The following CALCOCO2 variants were observed in gnomAD, a reference collection of about 807,000 sequenced individuals.
CALCOCO2 encodes the protein calcium binding and coiled-coil domain 2.
A neutral mutation model predicts 62.5 loss-of-function variants in CALCOCO2; 42 were observed. The ratio of observed to expected loss-of-function variants is 0.67; its 90% CI spans 0.53 to 0.87. The LOEUF is 0.87. Among genes scored for constraint, CALCOCO2 ranks in the 40% least tolerant of loss-of-function variants. The pLI is 0.00. For missense variants in CALCOCO2, 456 were observed against 515.0 expected, an observed-to-expected ratio of 0.89 and a Z score of 1.11; for synonymous variants, 167 against 173.0, an observed-to-expected ratio of 0.97 and a Z score of 0.27.
rs1467520047 is a variant in CALCOCO2 at position 48,851,109 on chromosome 17, G to C, written c.564G>C (p.Gln188His). The C allele has an allele frequency of 6.2e-7, 1 of 1,606,876 alleles. No homozygotes were observed. The highest frequency in any genetic ancestry group is 8.5e-7 in the Non-Finnish European group (1 of 1,173,696). The change falls in exon 6 of 13, where the codon CAG becomes CAC. Residue 188 changes from glutamine (Q) to histidine (H), a missense_variant. Physicochemically the swap from Gln to His is conservative, Grantham distance 24 (BLOSUM62 0). Coordinates refer to ENST00000258947, the MANE Select transcript of CALCOCO2 (RefSeq NM_005831.5). The part of the protein sequence containing the change: ...QKKQEELETL[Q>H]SINKKLELKV... ...TATAGGAGGAGCTAGAAACCCTACA[G>C]AGCATCAATAAGAAGTTGGAACTGA...
At chr17:48,848,689 ATTC>A in intron 4 of CALCOCO2, 1 of 602,696 alleles carries the variant, frequency 1.7e-6, no homozygotes, top group East Asian at 3.1e-5. Flanking sequence ...GCATTCAGTT[ATTC>A]TTTTAACTTT....
intron 1 of CALCOCO2, chr17:48,839,612 G>A (rs2039947340): frequency 6.8e-6 from 1 of 147,974 alleles, no homozygotes; most frequent in African/African-American, 2.5e-5. Flanking sequence ...GCCTCCCAAA[G>A]TGTTGAGATT....
In CALCOCO2 at chr17:48,862,906, G is replaced by C. The variant is rs1425647126; in HGVS notation, c.1242G>C (p.Gln414His). The C allele has an allele frequency of 1.9e-6, 3 of 1,613,920 alleles. No homozygotes were observed. The highest frequency in any genetic ancestry group is 2.5e-6 in the Non-Finnish European group (3 of 1,179,742). Residue 414 changes from glutamine (Q) to histidine (H), a missense_variant, in exon 13 of 13, where the codon CAG (glutamine) becomes CAC (histidine). Coordinates refer to ENST00000258947, the MANE Select transcript of CALCOCO2 (RefSeq NM_005831.5). Reference protein sequence around the residue: ...DICDHTLEQQQMQPLCFNCPI... With the variant: ...DICDHTLEQQHMQPLCFNCPI... ...GTGATCACACCTTGGAGCAACAGCA[G>C]ATGCAGCCCCTTTGTTTCAATTGTC...
chr17:48,849,724 G>A (rs62075798), intron 5 of CALCOCO2, among the ~76,000 whole-genome samples: 52,046 of 151,576 alleles, frequency 0.34, 11,230 homozygotes, highest in Non-Finnish European at 0.49. Context: ...GGCTGGTCTC[G>A]CACTCCTGGC....
At chr17:48,862,006 A>G (rs887190271) in intron 11 of CALCOCO2, among the ~76,000 whole-genome samples, 17 of 150,906 alleles carry the variant, frequency 1.1e-4, no homozygotes, top group African/African-American at 3.7e-4. Context: ...CTGAGATCAC[A>G]CTAGTGCACT....
At chr17:48,848,749 A>G in intron 4 of CALCOCO2, 1 of 550,262 alleles carries the variant, frequency 1.8e-6, no homozygotes, top group Admixed American at 2.2e-5. Context: ...ACAATGGTAA[A>G]TGTAAAAGCT....
chr17:48,855,913 G>C (rs1312045004), intron 9 of CALCOCO2, 179 bp from the exon 10 acceptor site: 3 of 349,548 alleles, frequency 8.6e-6, no homozygotes, highest in African/African-American at 6.4e-5. Flanking sequence ...CAGGCCTTCA[G>C]GTGTCTTTTT....
At chr17:48,844,693 T>G (rs893029675) in intron 2 of CALCOCO2, among the ~76,000 whole-genome samples, 12 of 152,138 alleles carry the variant, frequency 7.9e-5, no homozygotes. Context: ...AATTTTTGTA[T>G]TTTTAGTAGA....
chr17:48,856,648 CA>C (rs751952193), intron 10 of CALCOCO2: 73 of 447,632 alleles, frequency 1.6e-4, no homozygotes, highest in East Asian at 5.0e-4. Context: ...TGCATTCATT[CA>C]TTCATTCATT....
intron 1 of CALCOCO2, among the ~76,000 whole-genome samples, chr17:48,832,271 G>A (rs982126736): frequency 6.6e-6 from 1 of 152,224 alleles, no homozygotes; most frequent in Non-Finnish European, 1.5e-5. Context: ...GCGGGCGCCT[G>A]TAATCCCAGC....
intron 10 of CALCOCO2, among the ~76,000 whole-genome samples, chr17:48,859,348 T>C (rs2040292696): frequency 6.6e-6 from 1 of 152,002 alleles, no homozygotes; most frequent in African/African-American, 2.4e-5. Context: ...CTCAATAATA[T>C]ACAACACTGG....
At chr17:48,843,315 A>G (rs1023538065) in intron 2 of CALCOCO2, among the ~76,000 whole-genome samples, 1 of 152,110 alleles carries the variant, frequency 6.6e-6, no homozygotes, top group Non-Finnish European at 1.5e-5. Flanking sequence ...AAATCTTCTT[A>G]TTTCCAGAGA....
At chr17:48,834,106 C>CAAAAA (rs59633969) in intron 1 of CALCOCO2, among the ~76,000 whole-genome samples, 10 of 69,786 alleles carry the variant, frequency 1.4e-4, no homozygotes, top group Non-Finnish European at 1.8e-4. Context: ...GACCCTATGT[C>CAAAAA]AAAAAAAAAA....
intron 12 of CALCOCO2, 99 bp downstream of exon 12, chr17:48,862,403 G>A (rs372717793): frequency 3.5e-6 from 3 of 855,052 alleles, no homozygotes; most frequent in Non-Finnish European, 6.1e-6. Flanking sequence ...GGTTCATTTT[G>A]ATAACTCCAG....
intron 2 of CALCOCO2, among the ~76,000 whole-genome samples, chr17:48,846,766 G>C (rs1300686157): frequency 6.6e-6 from 1 of 152,116 alleles, no homozygotes; most frequent in African/African-American, 2.4e-5. Context: ...ACCCTGCTTT[G>C]ATTCCTTAAT....
chr17:48,843,601 C>G (rs1479239102), intron 2 of CALCOCO2, among the ~76,000 whole-genome samples: 1 of 152,170 alleles, frequency 6.6e-6, no homozygotes, highest in Non-Finnish European at 1.5e-5. Flanking sequence ...TGTGGCCAAC[C>G]AGCAGGACAC....
At chr17:48,839,670 CTTTTTTTTTTT>C (rs766846336) in intron 1 of CALCOCO2, among the ~76,000 whole-genome samples, 1 of 66,172 alleles carries the variant, frequency 1.5e-5, no homozygotes, top group Non-Finnish European at 2.7e-5. Context: ...CTTTGCTTTG[CTTTTTTTTTTT>C]TTTTTTTTTT....
chr17:48,854,899 A>G (rs1169442797), intron 9 of CALCOCO2, among the ~76,000 whole-genome samples: 2 of 152,160 alleles, frequency 1.3e-5, no homozygotes, highest in Non-Finnish European at 2.9e-5. Flanking sequence ...GGAACGCCTT[A>G]AGGCAAAGGT....
intron 2 of CALCOCO2, among the ~76,000 whole-genome samples, chr17:48,844,892 G>A (rs2040025314): frequency 6.6e-6 from 1 of 152,044 alleles, no homozygotes; most frequent in Admixed American, 6.5e-5. Context: ...GTAATCCCAG[G>A]AGGGAGGCCA....
Sources: gnomAD v4.1 joint callset for allele counts (sites outside exome capture counted in the v4.1 genomes callset) on GRCh38, gnomAD v4.1.1 for gene constraint, MANE v1.5 for transcripts, NCBI Gene and HGNC (gene_info 2026-07-23, HGNC 2026-07-21) for gene names.